The following SYNJ1 variants were observed in gnomAD, a reference collection of about 807,000 sequenced individuals.
SYNJ1 encodes synaptojanin 1, also known as polyphosphatidylinositol phosphatase SYNJ1.
A neutral mutation model predicts 168.2 loss-of-function variants in SYNJ1; 78 were observed. The observed-to-expected ratio is 0.46, with a 90% confidence interval of 0.39 to 0.56. The LOEUF (loss-of-function observed/expected upper bound fraction) is 0.56. SYNJ1 is among the 20% of genes least tolerant of loss of function. SYNJ1 has a pLI of 0.00. For synonymous variants in SYNJ1, 539 were observed against 548.6 expected (o/e 0.98, Z 0.24); for missense variants, 1,303 against 1,597.6 (o/e 0.82, Z 3.14).
chr21:32,705,171 G>A lies in SYNJ1; in HGVS notation c.125-3124C>T, dbSNP rs528228245. 2.5e-3 allele frequency among the ~76,000 whole-genome samples: 385 copies of A among 151,464 alleles called. 5 individuals carry two copies. Among genetic ancestry groups the A allele is most frequent in the African/African-American group, 8.8e-3 (362 of 41,292 alleles). On this transcript the variant is annotated intron_variant, in intron 2 of 32. Coordinates refer to ENST00000674351, the MANE Select transcript of SYNJ1 (RefSeq NM_203446.3). ...TCAAAAAAAAAAAAAAAGAATTGGA[G>A]TTACCAGTGTTTTCTAGATAGACTA...
intron 6 of SYNJ1, among the ~76,000 whole-genome samples, chr21:32,688,884 T>C (rs944691081): frequency 1.3e-5 from 2 of 152,228 alleles, no homozygotes; most frequent in Non-Finnish European, 2.9e-5. Context: ...TCTTCTCTAC[T>C]ATGTTGAATA....
intron 2 of SYNJ1, among the ~76,000 whole-genome samples, chr21:32,714,656 G>A (rs1368261172): frequency 6.6e-6 from 1 of 152,160 alleles, no homozygotes; most frequent in Non-Finnish European, 1.5e-5. Context: ...GAGACTGAAG[G>A]AAAGATCAGG....
intron 2 of SYNJ1, among the ~76,000 whole-genome samples, chr21:32,709,427 AG>A (rs1352348564): frequency 6.6e-6 from 1 of 151,046 alleles, no homozygotes; most frequent in African/African-American, 2.4e-5. Context: ...TAGTGAGCCA[AG>A]ATCACACCAC....
intron 4 of SYNJ1, 68 bp from the exon 5 acceptor site, chr21:32,695,350 A>C: frequency 7.3e-7 from 1 of 1,374,852 alleles, no homozygotes; most frequent in South Asian, 1.4e-5. Flanking sequence ...TTTTAAAATA[A>C]TCTCCTGGAA....
At position 32,700,064 on chromosome 21, in the gene SYNJ1, T is replaced by A. The variant is rs780821209; in HGVS notation, c.253A>T (p.Met85Leu). 4 of 1,614,124 alleles carry A rather than the reference T, an allele frequency of 2.5e-6. No homozygotes were observed. Among genetic ancestry groups the A allele is most frequent in the Admixed American group, 1.7e-5 (1 of 60,018 alleles). ...GATTCTTGAATTTTTCCAACAGACATACATCCAGTGACTAGGACCAGATAA... is the reference window on the plus strand; with the variant it reads ...GATTCTTGAATTTTTCCAACAGACAAACATCCAGTGACTAGGACCAGATAA... ...LHYLVLVTGC[M>L]SVGKIQESEV... The change falls in exon 4 of 33, where the codon ATG becomes TTG. Residue 85 changes from methionine to leucine, a missense_variant. Transcript: ENST00000674351.
intron 2 of SYNJ1, among the ~76,000 whole-genome samples, chr21:32,704,521 G>A (rs1396919165): frequency 1.3e-5 from 2 of 152,194 alleles, no homozygotes; most frequent in Non-Finnish European, 2.9e-5. Context: ...AGAAGCTGAA[G>A]CTAGAGGCAG....
intron 15 of SYNJ1, among the ~76,000 whole-genome samples, chr21:32,669,016 A>G (rs970368545): frequency 2.0e-5 from 3 of 152,204 alleles, no homozygotes; most frequent in Non-Finnish European, 4.4e-5. Flanking sequence ...ACTTCGCCTA[A>G]GAATGTCCTT....
At chr21:32,638,612 G>A (rs1005113073) in intron 31 of SYNJ1, among the ~76,000 whole-genome samples, 7 of 152,078 alleles carry the variant, frequency 4.6e-5, no homozygotes, top group African/African-American at 7.2e-5. Flanking sequence ...CAGGAGAATC[G>A]CTTGAACCCG....
At chr21:32,720,193 C>T (rs550718341) in intron 2 of SYNJ1, among the ~76,000 whole-genome samples, 130 of 152,232 alleles carry the variant, frequency 8.5e-4, no homozygotes, top group Non-Finnish European at 1.6e-3. Context: ...GAGCCGAGAT[C>T]GCACCATTGC....
rs762227 is a variant in SYNJ1 at position 32,657,471 on chromosome 21, A to G, written c.2461+245T>C. On this transcript the variant is annotated intron_variant, in intron 19 of 32. Transcript: ENST00000674351. ...AAAACCTAAATTAGCTTCAATTAAA[A>G]ATTTCACAAAAATATTTCCTTGCTT... is the stretch of plus-strand genomic sequence containing the variant. 0.43 allele frequency among the ~76,000 whole-genome samples: 65,131 copies of G among 152,070 alleles called. 14,916 individuals are homozygous for G. Among genetic ancestry groups the G allele is most frequent in the East Asian group, 0.5 (2,563 of 5,170 alleles).
rs567074810 is a variant in SYNJ1, at chr21:32,723,003, G to A, written c.124+3769C>T. The stretch of plus-strand genomic sequence containing the variant: ...CTAAATACACTTTGCTCAGAAATGA[G>A]CATCACAATCTAATTATATCAGAAT... On this transcript the variant is annotated intron_variant, in intron 2 of 32. Transcript: ENST00000674351. Among the ~76,000 whole-genome samples the A allele has an allele frequency of 2.6e-5, 4 of 152,324 alleles. No homozygotes were observed. In the South Asian group the frequency reaches 8.3e-4, roughly 32 times the overall value.
rs1195017282 is a variant in SYNJ1 at position 32,631,171 on chromosome 21, G to A, written c.*634C>T. 1 of 1,614,178 alleles carries A rather than the reference G, an allele frequency of 6.2e-7. No individual in the cohort carries two copies. The highest frequency in any genetic ancestry group is 2.2e-5 in the East Asian group (1 of 44,880). On this transcript the variant is annotated 3_prime_UTR_variant, in exon 33 of 33. Coordinates refer to ENST00000674351, the MANE Select transcript of SYNJ1 (RefSeq NM_203446.3). ...TTATTCCAGTCATCATTCAATGTCAGGTTGGAGCCAGAAAATGAACTTGGC... is the reference window on the plus strand; with the variant it reads ...TTATTCCAGTCATCATTCAATGTCAAGTTGGAGCCAGAAAATGAACTTGGC...
rs1331261018 is a variant in SYNJ1, at chr21:32,631,117, G to T, written c.*688C>A. On this transcript the variant is annotated 3_prime_UTR_variant, in exon 33 of 33. Coordinates refer to ENST00000674351, the MANE Select transcript of SYNJ1 (RefSeq NM_203446.3). ...GGAGGTGGAGGAGGTCTTCTTGACG[G>T]CAACACACAGAAGGAGACATTTGTA... is the stretch of plus-strand genomic sequence containing the variant. 1 of 1,614,170 alleles carries T rather than the reference G, an allele frequency of 6.2e-7. No homozygotes were observed. Among genetic ancestry groups the T allele is most frequent in the East Asian group, 2.2e-5 (1 of 44,884 alleles).
intron 6 of SYNJ1, among the ~76,000 whole-genome samples, chr21:32,693,427 T>C (rs1326066249): frequency 6.6e-6 from 1 of 152,206 alleles, no homozygotes; most frequent in Non-Finnish European, 1.5e-5. Context: ...AAATAAAATG[T>C]TACTAAAAAG....
At chr21:32,634,917 A>C in intron 31 of SYNJ1, 33 bp from the exon 32 acceptor site, 1 of 1,613,106 alleles carries the variant, frequency 6.2e-7, no homozygotes, top group Non-Finnish European at 8.5e-7. Flanking sequence ...CAAAGGAAAG[A>C]GTTAGGAGGA....
chr21:32,693,212 A>G (rs182862590), intron 6 of SYNJ1, among the ~76,000 whole-genome samples: 4 of 152,322 alleles, frequency 2.6e-5, no homozygotes, highest in African/African-American at 9.6e-5. Flanking sequence ...CTTAAAGCAA[A>G]TACTCCAAAC....
intron 2 of SYNJ1, among the ~76,000 whole-genome samples, chr21:32,716,727 T>C (rs1241051617): frequency 1.3e-5 from 2 of 152,322 alleles, no homozygotes; most frequent in East Asian, 3.9e-4. Flanking sequence ...TCTTCAAGTG[T>C]TTTTCTTCCC....
At chr21:32,687,107 C>T in intron 7 of SYNJ1, 33 bp from the exon 8 acceptor site, 1 of 1,203,310 alleles carries the variant, frequency 8.3e-7, no homozygotes, top group Non-Finnish European at 1.1e-6. Context: ...AAATACATGT[C>T]AAATAAGAAG....
intron 10 of SYNJ1, among the ~76,000 whole-genome samples, chr21:32,682,238 C>A (rs986307969): frequency 6.6e-6 from 1 of 152,100 alleles, no homozygotes; most frequent in African/African-American, 2.4e-5. Flanking sequence ...TCGGCTTCCA[C>A]AAGTCCTTAT....
Sources: gnomAD v4.1 joint callset for allele counts (sites outside exome capture counted in the v4.1 genomes callset) on GRCh38, gnomAD v4.1.1 for gene constraint, MANE v1.5 for transcripts, NCBI Gene and HGNC (gene_info 2026-07-23, HGNC 2026-07-21) for gene names.